Variants in KCND2 observed in about 807,000 individuals in gnomAD.
The protein encoded by KCND2 is A-type voltage-gated potassium channel KCND2.
KCND2 carries 16 observed loss-of-function variants against 54.4 expected under a neutral mutation model. The ratio of observed to expected loss-of-function variants is 0.29; its 90% CI spans 0.20 to 0.45. The LOEUF is 0.45. Ranked by LOEUF, KCND2 falls within the 20% of genes least tolerant of loss-of-function variation. KCND2 has a pLI of 1.00. For missense variants in KCND2, 486 were observed against 824.2 expected (o/e 0.59, Z 5.02); for synonymous variants, 317 against 310.7 (o/e 1.02, Z -0.21).
chr7:120,533,010 T>C (rs2116367224), intron 1 of KCND2, among the ~76,000 whole-genome samples: 1 of 152,204 alleles, frequency 6.6e-6, no homozygotes, highest in African/African-American at 2.4e-5. Context: ...GATTTTACTC[T>C]CTTCCTTTTA....
chr7:120,347,480 G>A (rs922515812), intron 1 of KCND2, among the ~76,000 whole-genome samples: 4 of 152,116 alleles, frequency 2.6e-5, no homozygotes, highest in African/African-American at 9.7e-5. Context: ...TTTTCAGGCC[G>A]GGTGCGGTAG....
intron 1 of KCND2, among the ~76,000 whole-genome samples, chr7:120,641,852 GATA>G (rs1793380545): frequency 8.6e-6 from 1 of 116,242 alleles, no homozygotes; most frequent in African/African-American, 3.4e-5. Context: ...AGCATAAAAA[GATA>G]ATAAAAAAAA....
At chr7:120,306,880 G>A (rs1799656802) in intron 1 of KCND2, among the ~76,000 whole-genome samples, 1 of 151,930 alleles carries the variant, frequency 6.6e-6, no homozygotes, top group Non-Finnish European at 1.5e-5. Context: ...ATTGGACTAT[G>A]GTCTGTCATA....
intron 1 of KCND2, among the ~76,000 whole-genome samples, chr7:120,589,838 TG>T (rs1792647933): frequency 6.6e-6 from 1 of 152,168 alleles, no homozygotes; most frequent in Admixed American, 6.5e-5. Flanking sequence ...TTAATGGTAG[TG>T]CTAACATCAT....
intron 1 of KCND2, among the ~76,000 whole-genome samples, chr7:120,695,794 T>C (rs1350595534): frequency 6.6e-6 from 1 of 152,188 alleles, no homozygotes; most frequent in African/African-American, 2.4e-5. Context: ...TGTGATGATA[T>C]AAGATTAATC....
At chr7:120,658,827 A>G (rs1791833808) in intron 1 of KCND2, among the ~76,000 whole-genome samples, 1 of 152,212 alleles carries the variant, frequency 6.6e-6, no homozygotes, top group South Asian at 2.1e-4. Context: ...TTGAAAATGT[A>G]CTTCTTCCAC....
At chr7:120,618,908 G>T (rs73423720) in intron 1 of KCND2, among the ~76,000 whole-genome samples, 2,286 of 152,018 alleles carry the variant, frequency 0.015, 51 homozygotes, top group African/African-American at 0.052. Flanking sequence ...GAACTCCTGG[G>T]CTCAAACAAT....
chr7:120,329,315 G>A (rs1389909895), intron 1 of KCND2, among the ~76,000 whole-genome samples: 1 of 151,854 alleles, frequency 6.6e-6, no homozygotes, highest in African/African-American at 2.4e-5. Flanking sequence ...TAGAGACAGG[G>A]TTTTACCATG....
chr7:120,443,562 G>A (rs1223656062), intron 1 of KCND2, among the ~76,000 whole-genome samples: 1 of 151,872 alleles, frequency 6.6e-6, no homozygotes, highest in Non-Finnish European at 1.5e-5. Flanking sequence ...TCTTATGAAT[G>A]AATGCCAAAT....
chr7:120,648,742 G>A (rs1012854125), intron 1 of KCND2, among the ~76,000 whole-genome samples: 2 of 152,138 alleles, frequency 1.3e-5, no homozygotes, highest in African/African-American at 4.8e-5. Flanking sequence ...AGACTTCCAT[G>A]CACACTATGA....
At chr7:120,713,177 G>C (rs12538783) in intron 1 of KCND2, among the ~76,000 whole-genome samples, 1 of 152,076 alleles carries the variant, frequency 6.6e-6, no homozygotes, top group East Asian at 1.9e-4. Context: ...TTATTGTTTA[G>C]CCAAGGAGGA....
intron 1 of KCND2, among the ~76,000 whole-genome samples, chr7:120,472,162 G>A (rs1447966818): frequency 6.6e-6 from 1 of 151,666 alleles, no homozygotes; most frequent in African/African-American, 2.4e-5. Context: ...ATAACCTCAG[G>A]TAAATGACAT....
intron 1 of KCND2, among the ~76,000 whole-genome samples, chr7:120,570,895 G>T (rs1792357553): frequency 6.6e-6 from 1 of 152,156 alleles, no homozygotes; most frequent in African/African-American, 2.4e-5. Context: ...AACAGTTGGT[G>T]TTTCTTAAAT....
In KCND2 at chr7:120,517,342, A is replaced by G. The variant is rs577676670; in HGVS notation, c.1116-215561A>G. Among the ~76,000 whole-genome samples the G allele has an allele frequency of 5.3e-5, 8 of 152,228 alleles. No individual in the cohort carries two copies. In the South Asian group the frequency reaches 1.5e-3, roughly 28 times the overall value. On this transcript the variant is annotated intron_variant, in intron 1 of 5. Coordinates refer to ENST00000331113, the MANE Select transcript of KCND2 (RefSeq NM_012281.3). ...TATTCTTAGTATATTGTTGAGTCAG[A>G]ATCTTATATTCTATGACTATTTCTG... is the stretch of plus-strand genomic sequence containing the variant.
intron 1 of KCND2, among the ~76,000 whole-genome samples, chr7:120,589,365 T>A (rs1480857677): frequency 2.0e-5 from 3 of 152,166 alleles, no homozygotes; most frequent in African/African-American, 4.8e-5. Context: ...TTACAAAAAA[T>A]ACACATTTAA....
intron 1 of KCND2, among the ~76,000 whole-genome samples, chr7:120,573,063 C>A (rs746606242): frequency 9.2e-5 from 14 of 152,032 alleles, no homozygotes; most frequent in Non-Finnish European, 1.6e-4. Context: ...ATTATGTGAC[C>A]TTCAAAATAA....
intron 1 of KCND2, among the ~76,000 whole-genome samples, chr7:120,655,256 A>AT (rs1317996352): frequency 2.0e-5 from 3 of 152,112 alleles, no homozygotes; most frequent in African/African-American, 4.8e-5. Context: ...AGCATCAGCT[A>AT]TAAAAAAGGG....
At chr7:120,595,945 G>A (rs1584846735) in intron 1 of KCND2, among the ~76,000 whole-genome samples, 1 of 151,962 alleles carries the variant, frequency 6.6e-6, no homozygotes, top group East Asian at 1.9e-4. Context: ...GGAAATGGGG[G>A]AAGGGATGAG....
At chr7:120,730,368 C>T (rs1483631840) in intron 1 of KCND2, among the ~76,000 whole-genome samples, 1 of 152,112 alleles carries the variant, frequency 6.6e-6, no homozygotes, top group Non-Finnish European at 1.5e-5. Flanking sequence ...TAATTTGGCT[C>T]ATATGTACAC....
Sources: gnomAD v4.1 joint callset for allele counts (sites outside exome capture counted in the v4.1 genomes callset) on GRCh38, gnomAD v4.1.1 for gene constraint, MANE v1.5 for transcripts, NCBI Gene and HGNC (gene_info 2026-07-23, HGNC 2026-07-21) for gene names.